The following CUBN variants were observed in gnomAD, a reference collection of about 807,000 sequenced individuals.
The protein encoded by CUBN is cubilin.
Under a neutral mutation model 405.3 loss-of-function variants are expected in CUBN, and 282 were observed. That is an observed-to-expected ratio of 0.70 (90% CI 0.63 to 0.77). The LOEUF is 0.77. CUBN is among the 30% of genes least tolerant of loss of function. The pLI is 0.00. For synonymous variants in CUBN, 1,684 were observed against 1,617.0 expected (o/e 1.04, Z -0.99); for missense variants, 4,514 against 4,475.2 (o/e 1.01, Z -0.25).
intron 35 of CUBN, among the ~76,000 whole-genome samples, chr10:16,947,569 T>A (rs1206298606): frequency 6.6e-6 from 1 of 152,202 alleles, no homozygotes; most frequent in Non-Finnish European, 1.5e-5. Flanking sequence ...GTGTGGTGGA[T>A]TAGAAGGAAT....
At position 17,014,036 on chromosome 10, in the gene CUBN, C is replaced by T. The variant is rs1027236414; in HGVS notation, c.4168+5797G>A. ...GCATGTACGTATCTGAAGCACTGGT[C>T]CCTCAAGGAGTAGCACCTGGTATCT... On this transcript the variant is annotated intron_variant, in intron 28 of 66. Transcript: ENST00000377833. Among the ~76,000 whole-genome samples the T allele has an allele frequency of 4.6e-5, 7 of 152,270 alleles. No individual in the cohort carries two copies. The East Asian group carries it at 7.7e-4, about 17-fold the overall frequency.
At chr10:16,832,195 G>A (rs1282853662) in intron 64 of CUBN, among the ~76,000 whole-genome samples, 2 of 152,116 alleles carry the variant, frequency 1.3e-5, no homozygotes, top group Non-Finnish European at 2.9e-5. Context: ...TTCCAGGAGG[G>A]CTCTCGACGC....
chr10:16,909,949 A>T (rs1162166051), intron 48 of CUBN, among the ~76,000 whole-genome samples: 1 of 152,228 alleles, frequency 6.6e-6, no homozygotes, highest in Non-Finnish European at 1.5e-5. Context: ...TTTTAGGCTC[A>T]TTCCAGCTGG....
Position 17,085,545 on chromosome 10 carries a change from A to C in CUBN, c.2110+52T>G, listed in dbSNP as rs963082871. On this transcript the variant is annotated intron_variant, in intron 16 of 66. Coordinates refer to ENST00000377833, the MANE Select transcript of CUBN (RefSeq NM_001081.4). ...ATTAAAATATAAAACAGATGTAAGCATAGCATTGGCCTTCAAATCCCTCTT... is the reference window on the plus strand; with the variant it reads ...ATTAAAATATAAAACAGATGTAAGCCTAGCATTGGCCTTCAAATCCCTCTT... 4.8e-5 allele frequency: 72 copies of C among 1,511,740 alleles called. No individual in the cohort carries two copies. In the East Asian group the frequency reaches 1.5e-3, roughly 32 times the overall value. The allele number at this position is 1,511,740 out of a possible 1,614,324, so 93.6% of individuals were successfully genotyped here.
At chr10:16,871,073 G>A (rs1387149198) in intron 58 of CUBN, among the ~76,000 whole-genome samples, 1 of 151,650 alleles carries the variant, frequency 6.6e-6, no homozygotes, top group African/African-American at 2.4e-5. Flanking sequence ...TGTTGCACAG[G>A]CTGGAGTGCA....
intron 36 of CUBN, among the ~76,000 whole-genome samples, chr10:16,946,174 G>A (rs954876992): frequency 6.6e-6 from 1 of 152,052 alleles, no homozygotes; most frequent in African/African-American, 2.4e-5. Context: ...AATTCAAAAC[G>A]GCAATTTAAA....
intron 31 of CUBN, among the ~76,000 whole-genome samples, chr10:16,954,990 G>T (rs568171839): frequency 2.0e-5 from 3 of 152,180 alleles, no homozygotes; most frequent in African/African-American, 7.2e-5. Context: ...CATAAGTTTC[G>T]TGATAGGGTA....
intron 50 of CUBN, among the ~76,000 whole-genome samples, chr10:16,905,710 C>A (rs1467898532): frequency 1.3e-5 from 2 of 152,176 alleles, no homozygotes; most frequent in Non-Finnish European, 2.9e-5. Context: ...TCGTTTTCCT[C>A]AGCTGGGCAC....
At position 16,828,956 on chromosome 10, in the gene CUBN, T is replaced by C. The variant is rs1260002113; in HGVS notation, c.10613A>G (p.Glu3538Gly). The C allele has an allele frequency of 6.2e-7, 1 of 1,614,076 alleles. No individual in the cohort carries two copies. The highest frequency in any genetic ancestry group is 2.2e-5 in the East Asian group (1 of 44,874). Residue 3538 changes from glutamate (E) to glycine (G), a missense_variant, in exon 66 of 67, where the codon GAG becomes GGG. Glu to Gly is a moderately conservative substitution (Grantham distance 98). Transcript: ENST00000377833. ...TCCAGCAGGAGCAACAAGGACCCAC[T>C]CGCAGTACGTGTTGTTTGGGTATGT... ...PGTYPNNTYC[E>G]WVLVAPAGRL...
Position 16,912,520 on chromosome 10 carries a change from C to G in CUBN, c.7533+1291G>C, listed in dbSNP as rs185682182. ...TGTGAAGTGCTGCAAAACAACATGG[C>G]AGAGAAGGGTCAGGCCAGGGTGGGG... On this transcript the variant is annotated intron_variant, in intron 48 of 66. Transcript: ENST00000377833. Among the ~76,000 whole-genome samples, 645 of 152,234 alleles carry G rather than the reference C, an allele frequency of 4.2e-3. 3 individuals are homozygous for G. Among genetic ancestry groups the G allele is most frequent in the Non-Finnish European group, 7.7e-3 (525 of 68,002 alleles).
At chr10:17,104,977 T>C (rs1232195453) in intron 11 of CUBN, among the ~76,000 whole-genome samples, 5 of 151,610 alleles carry the variant, frequency 3.3e-5, no homozygotes, top group Admixed American at 3.3e-4. Context: ...CCTGGCTAAC[T>C]TTTTGCAGTA....
chr10:16,843,996 G>A (rs746030296), intron 60 of CUBN, among the ~76,000 whole-genome samples: 9 of 152,060 alleles, frequency 5.9e-5, no homozygotes, highest in Admixed American at 2.6e-4. Flanking sequence ...CCTGCGGGGC[G>A]TGGTGGCTCA....
intron 55 of CUBN, among the ~76,000 whole-genome samples, chr10:16,888,889 A>G (rs891731388): frequency 2.6e-5 from 4 of 152,240 alleles, no homozygotes; most frequent in Non-Finnish European, 5.9e-5. Context: ...TGGTTCATGC[A>G]GATAAAGAAA....
Position 16,898,875 on chromosome 10 carries a change from T to C in CUBN, c.8598+121A>G, listed in dbSNP as rs113152878. On this transcript the variant is annotated intron_variant, in intron 54 of 66. Transcript: ENST00000377833. Reference sequence around the variant, plus strand: ...TTGAGGTTTCTCACTTTCTCACTTTTCATCCAAGGAATCCAGGCAGCAAAA... The same window carrying C: ...TTGAGGTTTCTCACTTTCTCACTTTCCATCCAAGGAATCCAGGCAGCAAAA... 1.4e-4 allele frequency: 109 copies of C among 760,618 alleles called. 1 individual carries two copies. The highest frequency in any genetic ancestry group is 1.1e-3 in the African/African-American group (63 of 58,190). 47.1% of individuals were successfully genotyped at this position (760,618 alleles called of 1,614,324 possible). A position where few individuals can be genotyped will look rare whatever the true frequency, so the allele number is the denominator to read the frequency against.
At chr10:16,923,160 CT>C (rs1246923277) in intron 43 of CUBN, among the ~76,000 whole-genome samples, 1 of 151,858 alleles carries the variant, frequency 6.6e-6, no homozygotes, top group African/African-American at 2.4e-5. Flanking sequence ...CTAATTGTGC[CT>C]TTGCTTGTCT....
At chr10:17,064,746 T>C (rs910695538) in intron 22 of CUBN, among the ~76,000 whole-genome samples, 1 of 152,128 alleles carries the variant, frequency 6.6e-6, no homozygotes, top group African/African-American at 2.4e-5. Context: ...ACATCTTACC[T>C]CAAAGACTGT....
intron 31 of CUBN, among the ~76,000 whole-genome samples, chr10:16,967,805 AAGAAGGAGAGACAGAGGGAGAGAGAG>A (rs1564452473): frequency 8.7e-5 from 10 of 114,592 alleles, no homozygotes; most frequent in Admixed American, 1.7e-4. Context: ...CGGAGAGAGA[AAGAAGGAGAGACAGAGGGAGAGAGAG>A]AGAAGGAGAG....
At chr10:16,877,488 G>A (rs1464329188) in intron 56 of CUBN, among the ~76,000 whole-genome samples, 1 of 152,088 alleles carries the variant, frequency 6.6e-6, no homozygotes, top group African/African-American at 2.4e-5. Flanking sequence ...TCCTGAAGAT[G>A]CTGCTATACA....
At chr10:16,911,659 T>A (rs1841739232) in intron 48 of CUBN, among the ~76,000 whole-genome samples, 2 of 152,196 alleles carry the variant, frequency 1.3e-5, no homozygotes. Flanking sequence ...CTAAAGGACA[T>A]GTGAATACTC....
Sources: gnomAD v4.1 joint callset for allele counts (sites outside exome capture counted in the v4.1 genomes callset) on GRCh38, gnomAD v4.1.1 for gene constraint, MANE v1.5 for transcripts, NCBI Gene and HGNC (gene_info 2026-07-23, HGNC 2026-07-21) for gene names.